Variants in ABCC1 observed in about 807,000 individuals in gnomAD.
The protein encoded by ABCC1 is multidrug resistance-associated protein 1.
ABCC1 carries 83 observed loss-of-function variants against 172.9 expected under a neutral mutation model. That is an observed-to-expected ratio of 0.48 (90% CI 0.40 to 0.58). ABCC1 has a LOEUF of 0.58. ABCC1 is among the 20% of genes least tolerant of loss of function. ABCC1 has a pLI of 0.00. For synonymous variants in ABCC1, 937 were observed against 825.2 expected, an observed-to-expected ratio of 1.14 and a Z score of -2.32; for missense variants, 1,817 against 2,002.7, an observed-to-expected ratio of 0.91 and a Z score of 1.77.
chr16:16,000,647 A>G (rs1052491213), intron 1 of ABCC1, among the ~76,000 whole-genome samples: 3 of 151,684 alleles, frequency 2.0e-5, no homozygotes, highest in Admixed American at 1.3e-4. Context: ...TTATTAAAAA[A>G]GAGGGTATCA....
intron 14 of ABCC1, among the ~76,000 whole-genome samples, chr16:16,073,620 A>G (rs534755545): frequency 6.6e-6 from 1 of 152,230 alleles, no homozygotes; most frequent in East Asian, 1.9e-4. Flanking sequence ...TTCACCAGGC[A>G]TGGTGGTGCA....
intron 5 of ABCC1, among the ~76,000 whole-genome samples, chr16:16,025,561 C>T (rs142679857): frequency 1.3e-5 from 2 of 152,234 alleles, no homozygotes; most frequent in African/African-American, 2.4e-5. Context: ...CAGTGCAGAG[C>T]GGAGGTAACC....
At chr16:16,068,114 C>T in intron 12 of ABCC1, 42 bp from the exon 13 acceptor site, 1 of 1,611,736 alleles carries the variant, frequency 6.2e-7, no homozygotes, top group South Asian at 1.1e-5. Flanking sequence ...TGATGACTCT[C>T]ACTCGGGGCA....
At chr16:16,053,744 G>A (rs777597334) in intron 11 of ABCC1, among the ~76,000 whole-genome samples, 27 of 114,406 alleles carry the variant, frequency 2.4e-4, no homozygotes, top group Non-Finnish European at 4.1e-4. Context: ...CCATGATTGT[G>A]CCACTGCACA....
At chr16:16,049,841 G>A (rs911773411) in intron 10 of ABCC1, among the ~76,000 whole-genome samples, 1 of 151,674 alleles carries the variant, frequency 6.6e-6, no homozygotes, top group Non-Finnish European at 1.5e-5. Context: ...ACACCACCAC[G>A]CCCATTAAAT....
intron 1 of ABCC1, among the ~76,000 whole-genome samples, chr16:15,953,245 A>G (rs1001204826): frequency 2.5e-4 from 38 of 151,966 alleles, no homozygotes; most frequent in Non-Finnish European, 4.6e-4. Context: ...CTGAGGCAGG[A>G]GAATTGCTTG....
chr16:16,136,033 A>G (rs1316719624), intron 28 of ABCC1, among the ~76,000 whole-genome samples: 1 of 144,362 alleles, frequency 6.9e-6, no homozygotes, highest in South Asian at 2.2e-4. Flanking sequence ...TTTTTCCATT[A>G]TTAAGGCAAT....
intron 13 of ABCC1, among the ~76,000 whole-genome samples, chr16:16,069,895 G>A (rs560331872): frequency 6.6e-6 from 1 of 152,108 alleles, no homozygotes; most frequent in Non-Finnish European, 1.5e-5. Context: ...GTATTGGTTG[G>A]TGCCTGTAAT....
intron 12 of ABCC1, among the ~76,000 whole-genome samples, chr16:16,064,312 A>G (rs955958452): frequency 6.6e-6 from 1 of 152,102 alleles, no homozygotes; most frequent in Non-Finnish European, 1.5e-5. Flanking sequence ...TGCCCGTCCT[A>G]CCAGCCTCTT....
At chr16:16,031,762 GA>G (rs1471146022) in intron 5 of ABCC1, among the ~76,000 whole-genome samples, 1 of 152,074 alleles carries the variant, frequency 6.6e-6, no homozygotes, top group African/African-American at 2.4e-5. Flanking sequence ...TCGTACACCA[GA>G]TCAGCCCCCA....
At chr16:16,112,334 A>T (rs1021532692) in intron 22 of ABCC1, among the ~76,000 whole-genome samples, 4 of 151,710 alleles carry the variant, frequency 2.6e-5, no homozygotes, top group African/African-American at 7.3e-5. Flanking sequence ...ACTGCCCTCC[A>T]GCCTGGGTGA....
Position 16,141,467 on chromosome 16 carries a change from T to C in ABCC1, c.*186T>C, listed in dbSNP as rs1467563550. On this transcript the variant is annotated 3_prime_UTR_variant, in exon 31 of 31. Transcript: ENST00000399410. ...CCGGTCCCCTGCCTGGAACTGGCTG[T>C]GAAGACCCAGGAGAGACAGAGATGC... is the stretch of plus-strand genomic sequence containing the variant. 9 of 603,338 alleles carry C rather than the reference T, an allele frequency of 1.5e-5. No individual in the cohort carries two copies. Among genetic ancestry groups the C allele is most frequent in the Non-Finnish European group, 2.0e-5 (7 of 342,268 alleles). 37.4% of individuals were successfully genotyped at this position (603,338 alleles called of 1,614,324 possible). A position where few individuals can be genotyped will look rare whatever the true frequency, so the allele number is the denominator to read the frequency against.
intron 13 of ABCC1, among the ~76,000 whole-genome samples, chr16:16,069,147 AAAAAT>A (rs1183523980): frequency 5.6e-5 from 8 of 143,332 alleles, no homozygotes; most frequent in South Asian, 2.1e-4. Flanking sequence ...GTATGTAAAA[AAAAAT>A]AAAATAAAAT....
chr16:16,042,483 A>C (rs1459579532), intron 7 of ABCC1, among the ~76,000 whole-genome samples: 1 of 152,086 alleles, frequency 6.6e-6, no homozygotes, highest in East Asian at 1.9e-4. Context: ...CAGGCAGATC[A>C]CTTGAGGTCA....
At chr16:16,045,448 C>G (rs1402801810) in intron 8 of ABCC1, among the ~76,000 whole-genome samples, 2 of 149,956 alleles carry the variant, frequency 1.3e-5, no homozygotes, top group Admixed American at 1.3e-4. Context: ...AAACTGCAAC[C>G]AGGAACTGGG....
At chr16:16,126,218 T>C (rs2045427076) in intron 26 of ABCC1, among the ~76,000 whole-genome samples, 1 of 152,202 alleles carries the variant, frequency 6.6e-6, no homozygotes, top group African/African-American at 2.4e-5. Context: ...TCATAACTTC[T>C]GATGGTATCA....
chr16:16,070,346 C>G (rs1279065620), intron 13 of ABCC1, among the ~76,000 whole-genome samples: 1 of 145,020 alleles, frequency 6.9e-6, no homozygotes, highest in African/African-American at 2.6e-5. Context: ...CCAGCCTGGG[C>G]AACAGAGCAA....
intron 3 of ABCC1, among the ~76,000 whole-genome samples, chr16:16,014,113 T>C (rs2047898669): frequency 6.6e-6 from 1 of 152,176 alleles, no homozygotes; most frequent in African/African-American, 2.4e-5. Flanking sequence ...ATGTAGTCTA[T>C]GGCCCATGAA....
intron 5 of ABCC1, among the ~76,000 whole-genome samples, chr16:16,018,974 A>AG (rs1418220893): frequency 6.6e-6 from 1 of 151,972 alleles, no homozygotes; most frequent in Non-Finnish European, 1.5e-5. Context: ...GACACAGAAG[A>AG]GAGGGGCTCA....
Sources: allele counts gnomAD v4.1 joint callset (sites outside exome capture counted in the v4.1 genomes callset), GRCh38; gene constraint gnomAD v4.1.1; transcripts MANE v1.5; gene names NCBI Gene and HGNC (gene_info 2026-07-23, HGNC 2026-07-21).